NFX1: variants seen among roughly 807,000 people sequenced by gnomAD.
The protein encoded by NFX1 is transcriptional repressor NF-X1.
NFX1 carries 69 observed loss-of-function variants against 137.2 expected under a neutral mutation model. That is an observed-to-expected ratio of 0.50 (90% CI 0.41 to 0.61). The LOEUF is 0.61. Ranked by LOEUF, NFX1 falls within the 20% of genes least tolerant of loss-of-function variation. The pLI is 0.00. For missense variants in NFX1, 1,167 were observed against 1,391.0 expected, an observed-to-expected ratio of 0.84 and a Z score of 2.56; for synonymous variants, 495 against 474.1, an observed-to-expected ratio of 1.04 and a Z score of -0.57.
rs542658268 is a variant in NFX1 at position 33,352,459 on chromosome 9, A to T, written c.2656-187A>T. 4.4e-6 allele frequency: 3 copies of T among 688,644 alleles called. No homozygotes were observed. The African/African-American group carries it at 5.3e-5, about 12-fold the overall frequency. 42.7% of individuals were successfully genotyped at this position (688,644 alleles called of 1,614,324 possible). On this transcript the variant is annotated intron_variant, in intron 16 of 23. Coordinates refer to ENST00000379540, the MANE Select transcript of NFX1 (RefSeq NM_002504.6). ...AAAAGGGGGCATTGTGGACGGGGCA[A>T]TTCTTTCCTAGCATGTCAACAACTG...
At chr9:33,307,545 C>A (rs1025123314) in intron 5 of NFX1, among the ~76,000 whole-genome samples, 1 of 152,218 alleles carries the variant, frequency 6.6e-6, no homozygotes, top group Non-Finnish European at 1.5e-5. Flanking sequence ...GGCCAAGCCT[C>A]TTGCCCAGCA....
At chr9:33,298,358 C>T (rs914525940) in intron 2 of NFX1, among the ~76,000 whole-genome samples, 1 of 152,036 alleles carries the variant, frequency 6.6e-6, no homozygotes, top group Non-Finnish European at 1.5e-5. Context: ...AAGATAGGGG[C>T]AGGAAAGGTG....
At chr9:33,303,376 A>C in intron 4 of NFX1, 108 bp downstream of exon 4, 1 of 884,918 alleles carries the variant, frequency 1.1e-6, no homozygotes, top group East Asian at 2.5e-5. Context: ...TGAGACTTCA[A>C]AGCTCTAGGA....
At chr9:33,302,666 T>C (rs1344569080) in intron 3 of NFX1, among the ~76,000 whole-genome samples, 1 of 151,446 alleles carries the variant, frequency 6.6e-6, no homozygotes, top group East Asian at 1.9e-4. Context: ...GGTTTTTTTT[T>C]GTTTGTTTTT....
At chr9:33,351,441 A>G (rs1481775045) in intron 15 of NFX1, 119 bp from the exon 16 acceptor site, 2 of 935,600 alleles carry the variant, frequency 2.1e-6, no homozygotes, top group Admixed American at 2.1e-5. Flanking sequence ...GAAACCCTAT[A>G]TCCGAAAACA....
intron 6 of NFX1, among the ~76,000 whole-genome samples, chr9:33,312,861 ACT>A (rs1291276951): frequency 2.6e-5 from 4 of 152,120 alleles, no homozygotes; most frequent in Non-Finnish European, 2.9e-5. Context: ...ACAGAGCAAG[ACT>A]CTGTCTCAAA....
Position 33,371,103 on chromosome 9 carries a change from TGAGAA to T in NFX1, c.*1127_*1131del, listed in dbSNP as rs1824312001. 1 of 152,162 alleles carries T rather than the reference TGAGAA, an allele frequency of 6.6e-6. No homozygotes were observed. Among genetic ancestry groups the T allele is most frequent in the Admixed American group, 6.5e-5 (1 of 15,278 alleles). 9.4% of individuals were successfully genotyped at this position (152,162 alleles called of 1,614,324 possible). A position where few individuals can be genotyped will look rare whatever the true frequency, so the allele number is the denominator to read the frequency against. On this transcript the variant is annotated 3_prime_UTR_variant, in exon 24 of 24. Transcript: ENST00000379540. ...AGCCCCAGAGCAGTAGCAGGAGACT[TGAGAA>T]GTAGAGTGACAAAAACAAGCACTTA... is the stretch of plus-strand genomic sequence containing the variant.
At chr9:33,332,730 C>A in intron 11 of NFX1, 1 of 406,018 alleles carries the variant, frequency 2.5e-6, no homozygotes, top group South Asian at 5.3e-5. Flanking sequence ...CTTTGAAATG[C>A]ATTAAAAAAG....
chr9:33,307,089 A>C, intron 4 of NFX1, 105 bp from the exon 5 acceptor site: 2 of 733,686 alleles, frequency 2.7e-6, no homozygotes, highest in Non-Finnish European at 4.5e-6. Context: ...AATAATAAAA[A>C]CCACACTAAA....
chr9:33,331,059 G>A (rs1164374358), intron 10 of NFX1, among the ~76,000 whole-genome samples: 1 of 152,042 alleles, frequency 6.6e-6, no homozygotes, highest in Non-Finnish European at 1.5e-5. Flanking sequence ...CCAGCTACTC[G>A]GGAGGCTGAG....
chr9:33,304,065 G>A (rs1173207177), intron 4 of NFX1, among the ~76,000 whole-genome samples: 6 of 152,146 alleles, frequency 3.9e-5, no homozygotes, highest in South Asian at 2.1e-4. Flanking sequence ...TCAGGAGTTC[G>A]ACACCAGCCT....
At chr9:33,341,850 C>T (rs966923272) in intron 12 of NFX1, among the ~76,000 whole-genome samples, 3 of 152,184 alleles carry the variant, frequency 2.0e-5, no homozygotes, top group African/African-American at 7.2e-5. Context: ...GATGCGGTGG[C>T]TCATGCCTGT....
chr9:33,367,434 C>T, intron 22 of NFX1, 81 bp from the exon 23 acceptor site: 1 of 1,453,942 alleles, frequency 6.9e-7, no homozygotes, highest in Non-Finnish European at 9.6e-7. Flanking sequence ...GTGCCAAAAT[C>T]AAGGGCTGAG....
rs771243168 is a variant in NFX1, at chr9:33,318,974, C to T, written c.1753C>T (p.Pro585Ser). The change falls in exon 9 of 24, where the codon CCA becomes TCA. Residue 585 changes from proline (P) to serine (S), a missense_variant. By Grantham distance (74) the Pro-to-Ser change is moderately conservative. This residue lies in a region of NFX1 where 488 missense variants were observed against 691.5 expected (regional missense o/e 0.71). Coordinates refer to ENST00000379540, the MANE Select transcript of NFX1 (RefSeq NM_002504.6). The stretch of plus-strand genomic sequence containing the variant: ...CCACCCTCAGCCCTGCCAGCAATGC[C>T]CACGGCTCCCCCAGCTGGTGCGCTG... The part of the protein sequence containing the change: ...VCHPQPCQQC[P>S]RLPQLVRCCP... 2.5e-6 allele frequency: 4 copies of T among 1,614,206 alleles called. No individual in the cohort carries two copies. The South Asian group carries it at 4.4e-5, about 18-fold the overall frequency.
intron 3 of NFX1, among the ~76,000 whole-genome samples, chr9:33,301,717 G>A (rs893165640): frequency 1.3e-5 from 2 of 152,074 alleles, no homozygotes; most frequent in Admixed American, 1.3e-4. Context: ...TATTTCCTGT[G>A]GATACATAAA....
intron 11 of NFX1, among the ~76,000 whole-genome samples, chr9:33,333,906 A>T (rs1455612767): frequency 4.6e-5 from 7 of 152,234 alleles, no homozygotes; most frequent in African/African-American, 1.7e-4. Context: ...GCACTTTGGG[A>T]GGCCAAGGTG....
intron 18 of NFX1, 124 bp downstream of exon 18, chr9:33,354,311 G>A: frequency 2.6e-6 from 2 of 767,610 alleles, no homozygotes; most frequent in East Asian, 5.6e-5. Flanking sequence ...GTATTCAATA[G>A]ACAATTTGAT....
chr9:33,330,520 C>T (rs1046689177), intron 10 of NFX1, among the ~76,000 whole-genome samples: 13 of 152,116 alleles, frequency 8.5e-5, no homozygotes, highest in African/African-American at 3.1e-4. Flanking sequence ...TTTGTAAATA[C>T]TGTATTAAAG....
chr9:33,311,228 T>C (rs1296352719), intron 6 of NFX1, 51 bp downstream of exon 6: 1 of 1,482,126 alleles, frequency 6.7e-7, no homozygotes, highest in East Asian at 2.3e-5. Context: ...ACATGCATGA[T>C]TGACTTGTGA....
Sources: allele counts gnomAD v4.1 joint callset (sites outside exome capture counted in the v4.1 genomes callset), GRCh38; gene constraint gnomAD v4.1.1; regional missense constraint gnomAD v4.1.1; transcripts MANE v1.5; gene names NCBI Gene and HGNC (gene_info 2026-07-23, HGNC 2026-07-21).